Variants in LYPD6 observed in about 807,000 individuals in gnomAD.
LYPD6 encodes the protein LY6/PLAUR domain containing 6, also known as ly6/PLAUR domain-containing protein 6.
Under a neutral mutation model 22.7 loss-of-function variants are expected in LYPD6, and 15 were observed. The ratio of observed to expected loss-of-function variants is 0.66; its 90% CI spans 0.44 to 1.02. The LOEUF is 1.02. Ranked by LOEUF, LYPD6 falls within the 50% of genes least tolerant of loss-of-function variation. LYPD6 has a pLI of 0.00. For synonymous variants in LYPD6, 72 were observed against 77.5 expected (o/e 0.93, Z 0.37); for missense variants, 189 against 208.4 (o/e 0.91, Z 0.57).
chr2:149,481,611 G>C, the LYPD6 span, among the ~76,000 whole-genome samples: 1 of 152,302 alleles, frequency 6.6e-6, no homozygotes, highest in East Asian at 1.9e-4. Flanking sequence ...AGTTAAGTCA[G>C]TAACAGCACA....
chr2:149,374,861 GGTTTT>G (rs1331822919), intron 1 of LYPD6, among the ~76,000 whole-genome samples: 1 of 152,168 alleles, frequency 6.6e-6, no homozygotes, highest in Non-Finnish European at 1.5e-5. Context: ...GAAAAATAGT[GGTTTT>G]GTTTTGTTTT....
intron 3 of LYPD6, among the ~76,000 whole-genome samples, chr2:149,458,367 ACTTCACC>A (rs901933055): frequency 1.2e-4 from 18 of 152,082 alleles, no homozygotes; most frequent in African/African-American, 4.3e-4. Flanking sequence ...GAGAGTCAAG[ACTTCACC>A]CTTCACCGCC....
intron 1 of LYPD6, among the ~76,000 whole-genome samples, chr2:149,414,552 A>G (rs1200783388): frequency 6.6e-6 from 1 of 152,206 alleles, no homozygotes; most frequent in African/African-American, 2.4e-5. Context: ...TACTTTTAAC[A>G]TTTCTGTCTT....
At chr2:149,405,420 T>C (rs1465731620) in intron 1 of LYPD6, among the ~76,000 whole-genome samples, 1 of 152,226 alleles carries the variant, frequency 6.6e-6, no homozygotes, top group Non-Finnish European at 1.5e-5. Flanking sequence ...GAGCCTGTTA[T>C]TGGTCTATTC....
At chr2:149,398,630 G>C (rs982142083) in intron 1 of LYPD6, among the ~76,000 whole-genome samples, 1 of 152,082 alleles carries the variant, frequency 6.6e-6, no homozygotes, top group South Asian at 2.1e-4. Flanking sequence ...CAGGCAGCTA[G>C]ACCTGCTCCA....
At chr2:149,431,439 T>C (rs898070568) in intron 1 of LYPD6, among the ~76,000 whole-genome samples, 1 of 152,260 alleles carries the variant, frequency 6.6e-6, no homozygotes, top group African/African-American at 2.4e-5. Context: ...GAGGAAAAGA[T>C]ACATCCCCTG....
chr2:149,455,941 T>C (rs905679829), intron 3 of LYPD6, among the ~76,000 whole-genome samples: 2 of 152,226 alleles, frequency 1.3e-5, no homozygotes, highest in Non-Finnish European at 2.9e-5. Context: ...GGCAGCTTCC[T>C]CAAAAGGTGC....
chr2:149,362,918 G>A (rs976090513), intron 1 of LYPD6, among the ~76,000 whole-genome samples: 10 of 152,126 alleles, frequency 6.6e-5, no homozygotes, highest in Admixed American at 5.2e-4. Context: ...CATCTTTAGC[G>A]ACAAGGATGT....
chr2:149,430,300 A>T (rs571104702), intron 1 of LYPD6, among the ~76,000 whole-genome samples: 1 of 152,114 alleles, frequency 6.6e-6, no homozygotes, highest in Non-Finnish European at 1.5e-5. Context: ...GGGTTTTACC[A>T]TGTTGGCCAG....
At chr2:149,381,413 A>G (rs1003569324) in intron 1 of LYPD6, among the ~76,000 whole-genome samples, 1 of 152,116 alleles carries the variant, frequency 6.6e-6, no homozygotes, top group Non-Finnish European at 1.5e-5. Flanking sequence ...TGTTTTAGGA[A>G]TATAGTTCAT....
intron 1 of LYPD6, among the ~76,000 whole-genome samples, chr2:149,409,665 A>T (rs903367605): frequency 1.3e-5 from 2 of 151,926 alleles, no homozygotes; most frequent in African/African-American, 4.8e-5. Context: ...AGTCCAGTGG[A>T]GTTATATTCC....
chr2:149,413,191 C>T (rs1056578931), intron 1 of LYPD6, among the ~76,000 whole-genome samples: 2 of 152,142 alleles, frequency 1.3e-5, no homozygotes, highest in African/African-American at 4.8e-5. Context: ...CTGGGTCCTC[C>T]AGACACCCTC....
rs1413593968 is a variant in LYPD6, at chr2:149,468,680, G to C, written c.253G>C (p.Val85Leu). 6.2e-7 allele frequency: 1 copy of C among 1,613,508 alleles called. No homozygotes were observed. The highest frequency in any genetic ancestry group is 8.5e-7 in the Non-Finnish European group (1 of 1,179,698). The change falls in exon 4 of 5, where the codon GTC becomes CTC. Residue 85 changes from valine to leucine, a missense_variant. By Grantham distance (32) the Val-to-Leu change is conservative. Coordinates refer to ENST00000334166, the MANE Select transcript of LYPD6 (RefSeq NM_194317.5). ...RYCYTQHTME[V>L]TGNSISVTKR... Reference sequence around the variant, plus strand: ...CTGCTACACTCAGCACACAATGGAAGTCACAGGAAACAGTATCTCAGTCAC... The same window carrying C: ...CTGCTACACTCAGCACACAATGGAACTCACAGGAAACAGTATCTCAGTCAC...
Position 149,437,633 on chromosome 2 carries a change from T to C in LYPD6, c.-71-5T>C. ...CACTGAGATGATTCTTTCTTCATTT[T>C]TCAGGTGCAAGTTCTCTCCTGTTGC... On this transcript the variant is annotated splice_region_variant and splice_polypyrimidine_tract_variant and intron_variant, in intron 1 of 4. Transcript: ENST00000334166. 6.3e-7 allele frequency: 1 copy of C among 1,585,922 alleles called. No homozygotes were observed. Among genetic ancestry groups the C allele is most frequent in the Non-Finnish European group, 8.6e-7 (1 of 1,164,344 alleles).
chr2:149,386,451 C>A (rs1210206955), intron 1 of LYPD6, among the ~76,000 whole-genome samples: 2 of 152,160 alleles, frequency 1.3e-5, no homozygotes, highest in Non-Finnish European at 2.9e-5. Flanking sequence ...CTGTTTGCAT[C>A]CTAAAGCCTT....
intron 1 of LYPD6, among the ~76,000 whole-genome samples, chr2:149,340,613 A>G (rs1681142470): frequency 1.3e-5 from 2 of 152,160 alleles, no homozygotes; most frequent in South Asian, 4.1e-4. Context: ...GCTGACCTTT[A>G]GCCAGTAGGT....
chr2:149,466,208 A>G (rs1681197035), intron 3 of LYPD6, among the ~76,000 whole-genome samples: 1 of 152,200 alleles, frequency 6.6e-6, no homozygotes. Flanking sequence ...CACAACACAT[A>G]TAGAAGGTTC....
chr2:149,446,400 A>G (rs1467177648), intron 2 of LYPD6, among the ~76,000 whole-genome samples: 3 of 152,232 alleles, frequency 2.0e-5, no homozygotes, highest in Admixed American at 1.3e-4. Flanking sequence ...CAATATCTGC[A>G]AAGTGTGCTA....
intron 3 of LYPD6, among the ~76,000 whole-genome samples, chr2:149,458,239 G>A (rs543304635): frequency 1.3e-5 from 2 of 152,276 alleles, no homozygotes; most frequent in East Asian, 3.9e-4. Context: ...CAGTAACAAG[G>A]TCTCTTCCAC....
Sources: gnomAD v4.1 joint callset for allele counts (sites outside exome capture counted in the v4.1 genomes callset) on GRCh38, gnomAD v4.1.1 for gene constraint, MANE v1.5 for transcripts, NCBI Gene and HGNC (gene_info 2026-07-23, HGNC 2026-07-21) for gene names.